KALRN: variants seen among roughly 807,000 people sequenced by gnomAD.
KALRN encodes kalirin.
A neutral mutation model predicts 353.7 loss-of-function variants in KALRN; 70 were observed. That is an observed-to-expected ratio of 0.20 (90% CI 0.16 to 0.24). KALRN has a LOEUF of 0.24. KALRN is among the 10% of genes least tolerant of loss of function. The pLI, the probability that KALRN is intolerant of heterozygous loss-of-function variation, is 1.00. For synonymous variants in KALRN, 1,391 were observed against 1,434.8 expected, an observed-to-expected ratio of 0.97 and a Z score of 0.69; for missense variants, 2,791 against 3,756.7, an observed-to-expected ratio of 0.74 and a Z score of 6.72.
At chr3:124,645,924 G>A (rs940444205) in intron 37 of KALRN, among the ~76,000 whole-genome samples, 6 of 152,102 alleles carry the variant, frequency 3.9e-5, no homozygotes, top group East Asian at 1.9e-4. Flanking sequence ...CCACCAACAC[G>A]TACCAGGGCT....
At chr3:124,239,753 T>C (rs962554032) in intron 3 of KALRN, among the ~76,000 whole-genome samples, 67 of 152,318 alleles carry the variant, frequency 4.4e-4, no homozygotes, top group South Asian at 1.2e-3. Context: ...TGCAAGGGTT[T>C]CCTGCCTCTA....
At chr3:124,708,699 G>A (rs996249066) in intron 57 of KALRN, among the ~76,000 whole-genome samples, 31 of 151,992 alleles carry the variant, frequency 2.0e-4, no homozygotes, top group African/African-American at 7.0e-4. Context: ...AAAGTGATTG[G>A]TGCAGAAAAA....
chr3:124,324,902 G>A (rs17222144), intron 6 of KALRN, among the ~76,000 whole-genome samples: 4,808 of 152,304 alleles, frequency 0.032, 105 homozygotes, highest in Non-Finnish European at 0.046. Flanking sequence ...AACAAATAAC[G>A]AAGGTGTGTG....
At position 124,438,879 on chromosome 3, in the gene KALRN, A is replaced by G; in HGVS notation, c.3049-9A>G. ...AATTTACTGAGTCTTTTCTTCCATG[A>G]TTCACTAGGTGTGTAGTGTCCTGGA... On this transcript the variant is annotated splice_polypyrimidine_tract_variant and intron_variant, in intron 17 of 59. Transcript: ENST00000682506. 6.2e-7 allele frequency: 1 copy of G among 1,601,980 alleles called. No homozygotes were observed. Among genetic ancestry groups the G allele is most frequent in the Admixed American group, 1.7e-5 (1 of 59,236 alleles).
At chr3:124,571,670 T>A (rs2073523488) in intron 34 of KALRN, among the ~76,000 whole-genome samples, 1 of 152,208 alleles carries the variant, frequency 6.6e-6, no homozygotes, top group Non-Finnish European at 1.5e-5. Flanking sequence ...AACCAAAGTA[T>A]CCTGTGTTTA....
chr3:124,650,036 T>G (rs1004303125), intron 37 of KALRN, among the ~76,000 whole-genome samples: 3 of 151,474 alleles, frequency 2.0e-5, no homozygotes, highest in Non-Finnish European at 2.9e-5. Context: ...CTCTCATTAT[T>G]TGTTTTACAG....
intron 33 of KALRN, among the ~76,000 whole-genome samples, chr3:124,538,324 CAG>C (rs1444442440): frequency 6.6e-6 from 1 of 151,774 alleles, no homozygotes; most frequent in Admixed American, 6.6e-5. Context: ...GAGACAGAGA[CAG>C]GATGCGAGAG....
intron 34 of KALRN, among the ~76,000 whole-genome samples, chr3:124,619,299 T>C (rs2079007321): frequency 6.6e-6 from 1 of 152,068 alleles, no homozygotes; most frequent in Admixed American, 6.6e-5. Flanking sequence ...CATACATCAG[T>C]TTCTTTATTC....
At chr3:124,500,794 A>G (rs1269134557) in intron 33 of KALRN, among the ~76,000 whole-genome samples, 3 of 152,200 alleles carry the variant, frequency 2.0e-5, no homozygotes, top group Non-Finnish European at 2.9e-5. Context: ...GTCCAGGAGT[A>G]AGTTCATGGT....
chr3:124,131,169 A>G (rs2065233620), intron 1 of KALRN, among the ~76,000 whole-genome samples: 1 of 152,210 alleles, frequency 6.6e-6, no homozygotes, highest in Non-Finnish European at 1.5e-5. Context: ...CACAGACCCC[A>G]GTGTCTTCTA....
chr3:124,414,975 C>T (rs1374019504), intron 14 of KALRN, among the ~76,000 whole-genome samples: 2 of 152,204 alleles, frequency 1.3e-5, no homozygotes, highest in African/African-American at 2.4e-5. Context: ...TAAAGACCAG[C>T]ATTCAAAGGG....
At chr3:124,368,113 G>A (rs1166604622) in intron 10 of KALRN, among the ~76,000 whole-genome samples, 3 of 63,566 alleles carry the variant, frequency 4.7e-5, no homozygotes, top group South Asian at 7.2e-4. Context: ...CCTCCCTCCC[G>A]GACGGGGCAG....
At chr3:124,059,905 A>T (rs1207103678) in intron 1 of KALRN, among the ~76,000 whole-genome samples, 5 of 152,194 alleles carry the variant, frequency 3.3e-5, no homozygotes, top group Admixed American at 2.6e-4. Flanking sequence ...AGCCCCTATG[A>T]ATTTTCTATG....
intron 27 of KALRN, among the ~76,000 whole-genome samples, chr3:124,478,901 A>G (rs2061685317): frequency 6.6e-6 from 1 of 152,138 alleles, no homozygotes; most frequent in African/African-American, 2.4e-5. Flanking sequence ...TCTCCACACA[A>G]CACAAACACA....
chr3:124,074,755 G>A (rs1166656702), intron 1 of KALRN, among the ~76,000 whole-genome samples: 1 of 152,148 alleles, frequency 6.6e-6, no homozygotes, highest in Non-Finnish European at 1.5e-5. Flanking sequence ...TATAAGACAA[G>A]TTCTAGTGTC....
chr3:124,173,910 G>A (rs1338100667), intron 1 of KALRN, among the ~76,000 whole-genome samples: 1 of 152,148 alleles, frequency 6.6e-6, no homozygotes, highest in African/African-American at 2.4e-5. Context: ...CACCGTCCCT[G>A]TGCTTTTGAA....
At chr3:124,156,561 C>G (rs928115271) in intron 1 of KALRN, among the ~76,000 whole-genome samples, 2 of 152,174 alleles carry the variant, frequency 1.3e-5, no homozygotes, top group African/African-American at 4.8e-5. Context: ...TGTGTTTTGA[C>G]TTGAGTGAAT....
chr3:124,577,541 C>T (rs1483838816), intron 34 of KALRN, among the ~76,000 whole-genome samples: 1 of 152,086 alleles, frequency 6.6e-6, no homozygotes, highest in Non-Finnish European at 1.5e-5. Flanking sequence ...GTTAAAATAA[C>T]GCATATTACC....
intron 1 of KALRN, among the ~76,000 whole-genome samples, chr3:124,179,835 GTCTC>G (rs2073321360): frequency 6.6e-6 from 1 of 152,202 alleles, no homozygotes; most frequent in Non-Finnish European, 1.5e-5. Flanking sequence ...TGCAAATATG[GTCTC>G]TCTTACTCTA....
Sources: gnomAD v4.1 joint callset for allele counts (sites outside exome capture counted in the v4.1 genomes callset) on GRCh38, gnomAD v4.1.1 for gene constraint, MANE v1.5 for transcripts, NCBI Gene and HGNC (gene_info 2026-07-23, HGNC 2026-07-21) for gene names.